The following DOCK4 variants were observed in gnomAD, a reference collection of about 807,000 sequenced individuals.
DOCK4 encodes dedicator of cytokinesis protein 4.
Under a neutral mutation model 268.1 loss-of-function variants are expected in DOCK4, and 97 were observed. The ratio of observed to expected loss-of-function variants is 0.36; its 90% CI spans 0.31 to 0.43. DOCK4 has a LOEUF of 0.43. Among genes scored for constraint, DOCK4 ranks in the 20% least tolerant of loss-of-function variants. The pLI, the probability that DOCK4 is intolerant of heterozygous loss-of-function variation, is 1.00. For synonymous variants in DOCK4, 954 were observed against 887.2 expected, an observed-to-expected ratio of 1.08 and a Z score of -1.34; for missense variants, 2,145 against 2,455.7, an observed-to-expected ratio of 0.87 and a Z score of 2.67.
chr7:112,167,790 T>A (rs898986748), intron 1 of DOCK4, among the ~76,000 whole-genome samples: 1 of 152,222 alleles, frequency 6.6e-6, no homozygotes, highest in African/African-American at 2.4e-5. Context: ...TAAAGTACTA[T>A]ACTAAATAAT....
chr7:111,827,081 G>T (rs901540298), intron 26 of DOCK4, among the ~76,000 whole-genome samples: 1 of 151,948 alleles, frequency 6.6e-6, no homozygotes, highest in African/African-American at 2.4e-5. Flanking sequence ...GAATAGGACA[G>T]ACCCTCAGAC....
intron 1 of DOCK4, among the ~76,000 whole-genome samples, chr7:112,154,421 A>G (rs1456458811): frequency 2.6e-5 from 4 of 152,180 alleles, no homozygotes; most frequent in African/African-American, 7.2e-5. Context: ...CTACTTAGAC[A>G]TTGTTTGACT....
intron 1 of DOCK4, among the ~76,000 whole-genome samples, chr7:112,101,828 C>CTTTTCTTTTTCT (rs570814667): frequency 7.3e-6 from 1 of 137,300 alleles, no homozygotes; most frequent in East Asian, 2.0e-4. Context: ...GTTCTGAGAC[C>CTTTTCTTTTTCT]TTTTCTTTTT....
intron 28 of DOCK4, among the ~76,000 whole-genome samples, chr7:111,810,582 C>G (rs1801049237): frequency 6.6e-6 from 1 of 152,064 alleles, no homozygotes; most frequent in East Asian, 1.9e-4. Context: ...CAGGATTTTT[C>G]TCTTTATCTG....
chr7:111,752,490 G>A (rs1001790383), intron 42 of DOCK4, among the ~76,000 whole-genome samples: 1 of 149,740 alleles, frequency 6.7e-6, no homozygotes, highest in East Asian at 2.0e-4. Flanking sequence ...AAATATTCTC[G>A]TAATCTTTAG....
chr7:112,158,577 T>C (rs2116470035), intron 1 of DOCK4, among the ~76,000 whole-genome samples: 1 of 152,340 alleles, frequency 6.6e-6, no homozygotes, highest in East Asian at 1.9e-4. Flanking sequence ...TTCTAAATAA[T>C]ACTTGGGCAA....
chr7:111,977,181 G>T lies in DOCK4; in HGVS notation c.652C>A (p.Leu218Met). ...SLMCSNLGEE[L>M]EVIFSLFDSK... ...TCAAAGAGTGAGAAGATGACCTCCA[G>T]CTCCTCTCCCAGGTTGGAACACATG... The change falls in exon 8 of 53, where the codon CTG (leucine) becomes ATG (methionine). Residue 218 changes from leucine to methionine, a missense_variant. By Grantham distance (15) the Leu-to-Met change is conservative. Around this residue, in one of 2 missense-constraint regions of DOCK4, gnomAD observed 1,598 missense variants for 1,986.7 expected, o/e 0.80. Transcript: ENST00000428084. The T allele has an allele frequency of 6.2e-7, 1 of 1,612,862 alleles. No individual in the cohort carries two copies. The highest frequency in any genetic ancestry group is 8.5e-7 in the Non-Finnish European group (1 of 1,179,574).
chr7:111,834,635 G>A lies in DOCK4; in HGVS notation c.2788C>T (p.His930Tyr). ...AAACTATCAAGAAGCTGTTGATAAT[G>A]TCTATCTGTCATTTGTCGTAATAGG... ...LSLLRQMTDR[H>Y]YQQLLDSFNT... The change falls in exon 26 of 53, where the codon CAT (histidine) becomes TAT (tyrosine). Residue 930 changes from histidine (H) to tyrosine (Y), a missense_variant. Physicochemically the swap from His to Tyr is moderately conservative, Grantham distance 83 (BLOSUM62 2). This residue lies in a region of DOCK4 where 1,598 missense variants were observed against 1,986.7 expected (regional missense o/e 0.80). Transcript: ENST00000428084. 6.4e-7 allele frequency: 1 copy of A among 1,557,294 alleles called. No individual in the cohort carries two copies. Among genetic ancestry groups the A allele is most frequent in the Non-Finnish European group, 8.7e-7 (1 of 1,150,112 alleles).
At chr7:111,847,846 T>C (rs950787343) in intron 23 of DOCK4, among the ~76,000 whole-genome samples, 2 of 152,232 alleles carry the variant, frequency 1.3e-5, no homozygotes, top group Admixed American at 6.5e-5. Flanking sequence ...GAAAATGGAC[T>C]AATACACTCC....
intron 12 of DOCK4, among the ~76,000 whole-genome samples, chr7:111,931,343 TAAACAGA>T (rs370553552): frequency 2.0e-5 from 3 of 152,166 alleles, no homozygotes; most frequent in African/African-American, 7.2e-5. Flanking sequence ...ACAAAGGCTG[TAAACAGA>T]AAAGGTATGA....
At chr7:111,822,263 A>G in intron 27 of DOCK4, 99 bp downstream of exon 27, 1 of 1,055,500 alleles carries the variant, frequency 9.5e-7, no homozygotes, top group Non-Finnish European at 1.4e-6. Context: ...AGAGGCAAAA[A>G]AAAAACTGCA....
chr7:112,117,388 C>T (rs1211238375), intron 1 of DOCK4, among the ~76,000 whole-genome samples: 3 of 151,996 alleles, frequency 2.0e-5, no homozygotes, highest in Non-Finnish European at 2.9e-5. Context: ...TTTTTTGAGA[C>T]GGAGTTTCAC....
chr7:111,985,309 C>A (rs1233925252), intron 6 of DOCK4, among the ~76,000 whole-genome samples: 1 of 152,116 alleles, frequency 6.6e-6, no homozygotes, highest in Middle Eastern at 3.2e-3. Flanking sequence ...AGATGATACC[C>A]TCTTCTCTAG....
At chr7:111,797,506 G>C (rs58952011) in intron 30 of DOCK4, among the ~76,000 whole-genome samples, 16,014 of 152,138 alleles carry the variant, frequency 0.11, 1,278 homozygotes, top group African/African-American at 0.22. Flanking sequence ...GCAAGCAGCT[G>C]TGCAAGCAAC....
chr7:112,000,708 A>C (rs1800352842), intron 2 of DOCK4, among the ~76,000 whole-genome samples, 174 bp from the exon 3 acceptor site: 1 of 152,234 alleles, frequency 6.6e-6, no homozygotes, highest in Non-Finnish European at 1.5e-5. Context: ...ACCAAACATA[A>C]GAATTCTATT....
intron 10 of DOCK4, among the ~76,000 whole-genome samples, chr7:111,944,102 A>C (rs1329350795): frequency 6.6e-6 from 1 of 152,150 alleles, no homozygotes; most frequent in Non-Finnish European, 1.5e-5. Context: ...CTGTTTTTAG[A>C]GGCATTTTAT....
At chr7:112,040,994 C>T (rs754607370) in intron 1 of DOCK4, among the ~76,000 whole-genome samples, 26 of 151,744 alleles carry the variant, frequency 1.7e-4, no homozygotes, top group Admixed American at 3.3e-4. Flanking sequence ...TTTTTTTTTA[C>T]GTTTTTGACA....
chr7:111,841,166 T>C (rs1456218456), intron 25 of DOCK4, among the ~76,000 whole-genome samples: 1 of 152,014 alleles, frequency 6.6e-6, no homozygotes, highest in Admixed American at 6.6e-5. Flanking sequence ...TATTTATTTA[T>C]TTATTTATTT....
At position 111,977,289 on chromosome 7, in the gene DOCK4, T is replaced by C. The variant is rs1798280982; in HGVS notation, c.550-6A>G. The C allele has an allele frequency of 6.3e-7, 1 of 1,587,502 alleles. No individual in the cohort carries two copies. The highest frequency in any genetic ancestry group is 1.3e-5 in the African/African-American group (1 of 74,386). The stretch of plus-strand genomic sequence containing the variant: ...TTCCGATGTCGATGTTCCATCTGAA[T>C]GACACCCCCCAACAAAAACATGATC... On this transcript the variant is annotated splice_polypyrimidine_tract_variant and splice_region_variant and intron_variant, in intron 7 of 52. Transcript: ENST00000428084.
Sources: gnomAD v4.1 joint callset for allele counts (sites outside exome capture counted in the v4.1 genomes callset) on GRCh38, gnomAD v4.1.1 for gene constraint, gnomAD v4.1.1 regional missense constraint, MANE v1.5 for transcripts, NCBI Gene and HGNC (gene_info 2026-07-23, HGNC 2026-07-21) for gene names.